The following MAML2 variants were observed in gnomAD, a reference collection of about 807,000 sequenced individuals.
The protein encoded by MAML2 is mastermind-like protein 2.
Under a neutral mutation model 96.1 loss-of-function variants are expected in MAML2, and 22 were observed. The ratio of observed to expected loss-of-function variants is 0.23; its 90% confidence interval spans 0.16 to 0.33. The LOEUF is 0.33. Ranked by LOEUF, MAML2 falls within the 10% of genes least tolerant of loss-of-function variation. The pLI, the probability that MAML2 is intolerant of heterozygous loss-of-function variation, is 1.00. For missense variants in MAML2, 1,367 were observed against 1,392.4 expected, an observed-to-expected ratio of 0.98 and a Z score of 0.29; for synonymous variants, 561 against 521.3, an observed-to-expected ratio of 1.08 and a Z score of -1.04.
intron 1 of MAML2, among the ~76,000 whole-genome samples, chr11:96,202,847 C>T (rs533889880): frequency 2.0e-5 from 3 of 152,174 alleles, no homozygotes; most frequent in Admixed American, 1.3e-4. Flanking sequence ...AGGCTGGTCT[C>T]GAATTGCTGA....
intron 1 of MAML2, among the ~76,000 whole-genome samples, chr11:96,212,374 C>T (rs1476868398): frequency 6.6e-6 from 1 of 150,442 alleles, no homozygotes; most frequent in Non-Finnish European, 1.5e-5. Flanking sequence ...AAGGACAGAT[C>T]CTAAAGAATG....
At chr11:96,162,368 C>G (rs1861122729) in intron 1 of MAML2, among the ~76,000 whole-genome samples, 1 of 151,696 alleles carries the variant, frequency 6.6e-6, no homozygotes, top group African/African-American at 2.4e-5. Flanking sequence ...CAGACCAGAT[C>G]TAGCGATTGC....
At position 96,248,275 on chromosome 11, in the gene MAML2, G is replaced by A. The variant is rs2135965129; in HGVS notation, c.513+93108C>T. On this transcript the variant is annotated intron_variant, in intron 1 of 4. Coordinates refer to ENST00000524717, the MANE Select transcript of MAML2 (RefSeq NM_032427.4). ...CTACAGGCACCTGCCACCATGCCTG[G>A]CTAATTTTGTATTTTTAGTAGAGGC... is the stretch of plus-strand genomic sequence containing the variant. 2.6e-5 allele frequency among the ~76,000 whole-genome samples: 4 copies of A among 151,824 alleles called. No homozygotes were observed. The South Asian group carries it at 8.4e-4, about 32-fold the overall frequency.
At chr11:96,064,454 T>C (rs1393549043) in intron 2 of MAML2, among the ~76,000 whole-genome samples, 1 of 152,222 alleles carries the variant, frequency 6.6e-6, no homozygotes. Flanking sequence ...TGATAGTTTG[T>C]CCGAATGTGG....
At chr11:96,245,807 C>T (rs7101822) in intron 1 of MAML2, among the ~76,000 whole-genome samples, 4,834 of 151,384 alleles carry the variant, frequency 0.032, 259 homozygotes, top group African/African-American at 0.11. Flanking sequence ...GGGGTTCAAG[C>T]AATTCTCCTG....
At chr11:96,311,774 C>A (rs1375698380) in intron 1 of MAML2, among the ~76,000 whole-genome samples, 1 of 152,192 alleles carries the variant, frequency 6.6e-6, no homozygotes, top group Non-Finnish European at 1.5e-5. Flanking sequence ...AAGTTGTCTA[C>A]ATTTGCTTTT....
chr11:96,299,210 G>A (rs906495232), intron 1 of MAML2, among the ~76,000 whole-genome samples: 4 of 150,672 alleles, frequency 2.7e-5, no homozygotes, highest in Admixed American at 2.6e-4. Flanking sequence ...TAGAGGCTGA[G>A]TGTGAATTCA....
chr11:96,007,971 A>C (rs1423177216), intron 2 of MAML2, among the ~76,000 whole-genome samples: 2 of 151,458 alleles, frequency 1.3e-5, no homozygotes, highest in Non-Finnish European at 2.9e-5. Flanking sequence ...GCACATGTAT[A>C]CATATGTAAC....
At chr11:96,261,367 T>A (rs1011730317) in intron 1 of MAML2, among the ~76,000 whole-genome samples, 3 of 152,052 alleles carry the variant, frequency 2.0e-5, no homozygotes, top group Non-Finnish European at 4.4e-5. Flanking sequence ...ATAAATTCCT[T>A]TTCTTTATAA....
intron 1 of MAML2, among the ~76,000 whole-genome samples, chr11:96,266,371 C>T (rs1862827127): frequency 1.3e-5 from 2 of 152,200 alleles, no homozygotes; most frequent in South Asian, 4.1e-4. Context: ...GAGATTGAGA[C>T]CATCCTGGCT....
intron 1 of MAML2, among the ~76,000 whole-genome samples, chr11:96,120,591 G>T (rs914115514): frequency 6.6e-6 from 1 of 152,078 alleles, no homozygotes; most frequent in African/African-American, 2.4e-5. Flanking sequence ...AATTGCTTTT[G>T]GATAATTATA....
At position 96,095,881 on chromosome 11, in the gene MAML2, C is replaced by G. The variant is rs192839608; in HGVS notation, c.514-2364G>C. On this transcript the variant is annotated intron_variant, in intron 1 of 4. Coordinates refer to ENST00000524717, the MANE Select transcript of MAML2 (RefSeq NM_032427.4). ...CCTGGGTGTGAAGCTTCCCCTCTCC[C>G]CACATCTCTGCTGTCTCTGCATGAT... Among the ~76,000 whole-genome samples the G allele has an allele frequency of 4.2e-3, 639 of 152,276 alleles. 8 individuals carry two copies. The highest frequency in any genetic ancestry group is 7.1e-3 in the Non-Finnish European group (480 of 68,002).
At chr11:96,037,730 T>G (rs918943281) in intron 2 of MAML2, among the ~76,000 whole-genome samples, 1 of 152,128 alleles carries the variant, frequency 6.6e-6, no homozygotes, top group Non-Finnish European at 1.5e-5. Flanking sequence ...TCAAAGGCAA[T>G]TCACCCACAG....
In MAML2 at chr11:96,093,107, T is replaced by C. The variant is rs779919036; in HGVS notation, c.924A>G (p.Glu308=). 2.5e-6 allele frequency: 4 copies of C among 1,614,012 alleles called. 1 individual carries two copies. In the South Asian group the frequency reaches 4.4e-5, roughly 18 times the overall value. ...ATATGTTGGTCAGTTCATTGAACAG[T>C]TCCTGCAGCTCAGGATCCATCAGTT... is the stretch of plus-strand genomic sequence containing the variant. ...GEQLMDPELQ[E]LFNELTNISV... is the part of the protein sequence containing the mutation. Residue 308 remains glutamate, a synonymous_variant, in exon 2 of 5, where the codon GAA becomes GAG. Coordinates refer to ENST00000524717, the MANE Select transcript of MAML2 (RefSeq NM_032427.4).
At chr11:96,004,953 G>T (rs1451643786) in intron 2 of MAML2, among the ~76,000 whole-genome samples, 3 of 152,142 alleles carry the variant, frequency 2.0e-5, no homozygotes, top group African/African-American at 7.2e-5. Context: ...TCTGCCTCCT[G>T]ACAGGGATTA....
intron 1 of MAML2, among the ~76,000 whole-genome samples, chr11:96,212,827 T>G (rs1285307017): frequency 6.6e-6 from 1 of 152,182 alleles, no homozygotes. Context: ...TAAAAAGAAG[T>G]CTTCCTAAGA....
intron 1 of MAML2, among the ~76,000 whole-genome samples, chr11:96,290,110 A>G (rs1863189444): frequency 6.6e-6 from 1 of 152,122 alleles, no homozygotes; most frequent in South Asian, 2.1e-4. Context: ...GCTGGTGCCT[A>G]TTTTGTCCTA....
chr11:96,210,356 A>T (rs559268603), intron 1 of MAML2, among the ~76,000 whole-genome samples: 1 of 152,024 alleles, frequency 6.6e-6, no homozygotes, highest in Non-Finnish European at 1.5e-5. Flanking sequence ...TGATCTGCCC[A>T]CCTCGGCCTC....
intron 2 of MAML2, among the ~76,000 whole-genome samples, chr11:96,031,024 T>C (rs1043812264): frequency 3.9e-5 from 6 of 152,224 alleles, no homozygotes; most frequent in Non-Finnish European, 8.8e-5. Flanking sequence ...ATTAAGAGTT[T>C]GGTTAGGAGT....
Sources: gnomAD v4.1 joint callset for allele counts (sites outside exome capture counted in the v4.1 genomes callset) on GRCh38, gnomAD v4.1.1 for gene constraint, MANE v1.5 for transcripts, NCBI Gene and HGNC (gene_info 2026-07-23, HGNC 2026-07-21) for gene names.